CNTN1: variants seen among roughly 807,000 people sequenced by gnomAD.
CNTN1 encodes the protein contactin 1, also known as contactin-1.
CNTN1 carries 38 observed loss-of-function variants against 126.4 expected under a neutral mutation model. That is an observed-to-expected ratio of 0.30 (90% confidence interval 0.23 to 0.39). The LOEUF (loss-of-function observed/expected upper bound fraction) is 0.39. Ranked by LOEUF, CNTN1 falls within the 10% of genes least tolerant of loss-of-function variation. The pLI, the probability that CNTN1 is intolerant of heterozygous loss-of-function variation, is 1.00. For synonymous variants in CNTN1, 413 were observed against 422.6 expected, an observed-to-expected ratio of 0.98 and a Z score of 0.28; for missense variants, 1,009 against 1,248.4, an observed-to-expected ratio of 0.81 and a Z score of 2.89.
rs188003433 is a variant in CNTN1, at chr12:40,901,900, T to C, written c.-76-6457T>C. ...GACTTCATAGAAAATGGTTAGACTT[T>C]TGTTTATAGAGTGTAAAGAAATCAG... On this transcript the variant is annotated intron_variant, in intron 1 of 23. Coordinates refer to ENST00000551295, the MANE Select transcript of CNTN1 (RefSeq NM_001843.4). Among the ~76,000 whole-genome samples the C allele has an allele frequency of 2.5e-4, 38 of 152,336 alleles. 1 individual carries two copies. Among genetic ancestry groups the C allele is most frequent in the Admixed American group, 2.5e-3 (38 of 15,300 alleles).
intron 3 of CNTN1, among the ~76,000 whole-genome samples, chr12:40,916,744 C>T (rs1945259243): frequency 6.6e-6 from 1 of 152,010 alleles, no homozygotes; most frequent in Non-Finnish European, 1.5e-5. Flanking sequence ...GTGGTAGGCA[C>T]ATGGAGTCCT....
intron 1 of CNTN1, among the ~76,000 whole-genome samples, chr12:40,869,239 G>A (rs1943406970): frequency 6.7e-6 from 1 of 149,286 alleles, no homozygotes; most frequent in Admixed American, 6.7e-5. Context: ...AAAAAAATAA[G>A]GATGACAGGA....
At chr12:40,695,648 C>T (rs1941432215) in intron 1 of CNTN1, among the ~76,000 whole-genome samples, 1 of 152,112 alleles carries the variant, frequency 6.6e-6, no homozygotes, top group Non-Finnish European at 1.5e-5. Context: ...TGTTTGTTTT[C>T]TTTTTATTGA....
chr12:40,920,026 A>C (rs1945380909), intron 4 of CNTN1, among the ~76,000 whole-genome samples: 1 of 152,142 alleles, frequency 6.6e-6, no homozygotes, highest in African/African-American at 2.4e-5. Flanking sequence ...TTGCTTGCTC[A>C]AGAACTAGTA....
chr12:40,987,578 T>C (rs1947987891), intron 16 of CNTN1, among the ~76,000 whole-genome samples: 1 of 152,188 alleles, frequency 6.6e-6, no homozygotes, highest in Non-Finnish European at 1.5e-5. Context: ...CTATGAGAAA[T>C]AGTTAAGAGA....
intron 1 of CNTN1, among the ~76,000 whole-genome samples, chr12:40,837,309 A>G (rs2136569952): frequency 6.6e-6 from 1 of 152,174 alleles, no homozygotes; most frequent in East Asian, 1.9e-4. Context: ...CACCAAAAGC[A>G]GGAAGGAGAA....
intron 18 of CNTN1, among the ~76,000 whole-genome samples, chr12:41,016,416 C>T (rs1948782115): frequency 6.6e-6 from 1 of 152,062 alleles, no homozygotes; most frequent in African/African-American, 2.4e-5. Context: ...TCTAGGAGAA[C>T]ATTCTAGGCA....
intron 1 of CNTN1, among the ~76,000 whole-genome samples, chr12:40,888,269 G>A (rs932602955): frequency 2.6e-5 from 4 of 151,608 alleles, no homozygotes; most frequent in South Asian, 2.1e-4. Flanking sequence ...TCACTGTTAC[G>A]GACTTTTTAA....
chr12:40,945,286 A>G (rs559310949), intron 14 of CNTN1, among the ~76,000 whole-genome samples: 52 of 152,200 alleles, frequency 3.4e-4, no homozygotes, highest in East Asian at 1.9e-4. Flanking sequence ...CATGCCCAAA[A>G]TTAGTCAAAT....
Position 40,968,501 on chromosome 12 carries a change from T to C in CNTN1, c.1804+9267T>C, listed in dbSNP as rs548782686. 2.9e-4 allele frequency among the ~76,000 whole-genome samples: 44 copies of C among 152,282 alleles called. No individual in the cohort carries two copies. The South Asian group carries it at 6.2e-3, about 22-fold the overall frequency. On this transcript the variant is annotated intron_variant, in intron 15 of 23. Coordinates refer to ENST00000551295, the MANE Select transcript of CNTN1 (RefSeq NM_001843.4). ...GAAAGCTTGATTTTATAATGTGCTCTTTGGCCTAAAAATAGGTAAATGAAA... is the reference window on the plus strand; with the variant it reads ...GAAAGCTTGATTTTATAATGTGCTCCTTGGCCTAAAAATAGGTAAATGAAA...
At chr12:40,824,150 G>A (rs1941536585) in intron 1 of CNTN1, among the ~76,000 whole-genome samples, 1 of 151,934 alleles carries the variant, frequency 6.6e-6, no homozygotes, top group South Asian at 2.1e-4. Flanking sequence ...CGTTGAAATT[G>A]TCCTATATAA....
intron 1 of CNTN1, among the ~76,000 whole-genome samples, chr12:40,872,631 C>T (rs1374195286): frequency 4.7e-5 from 6 of 126,370 alleles, no homozygotes; most frequent in African/African-American, 1.6e-4. Context: ...AGTGTAGTGG[C>T]GCTATCTTGG....
Position 40,993,187 on chromosome 12 carries a change from T to C in CNTN1, c.2031T>C (p.Tyr677=). Residue 677 remains tyrosine, a synonymous_variant, in exon 17 of 24, where the codon TAT becomes TAC. Transcript: ENST00000551295. The part of the protein sequence containing the change: ...RAVDLIPWME[Y]EFRVVATNTL... ...TGGACTTAATCCCATGGATGGAGTA[T>C]GAATTCCGCGTGGTAGCAACCAATA... 6.2e-7 allele frequency: 1 copy of C among 1,613,756 alleles called. No homozygotes were observed. The highest frequency in any genetic ancestry group is 1.6e-4 in the Middle Eastern group (1 of 6,062).
intron 1 of CNTN1, among the ~76,000 whole-genome samples, chr12:40,775,886 T>G (rs976594300): frequency 6.6e-6 from 1 of 151,540 alleles, no homozygotes; most frequent in African/African-American, 2.4e-5. Flanking sequence ...TCAATGTGAG[T>G]CAAAAACGTA....
chr12:40,928,082 T>C (rs1257042769), intron 6 of CNTN1, among the ~76,000 whole-genome samples: 2 of 152,074 alleles, frequency 1.3e-5, no homozygotes, highest in Non-Finnish European at 2.9e-5. Flanking sequence ...GTGGGCAGTA[T>C]CTTTCATACA....
At chr12:41,049,878 G>T (rs1424349898) in intron 23 of CNTN1, among the ~76,000 whole-genome samples, 1 of 152,108 alleles carries the variant, frequency 6.6e-6, no homozygotes, top group African/African-American at 2.4e-5. Context: ...TGCAAAATTT[G>T]ATTTAACTAA....
At chr12:40,982,300 T>G (rs1947840713) in intron 16 of CNTN1, among the ~76,000 whole-genome samples, 1 of 152,174 alleles carries the variant, frequency 6.6e-6, no homozygotes, top group South Asian at 2.1e-4. Context: ...TTTAAAAACC[T>G]TTTAGATACT....
At chr12:41,005,148 T>C (rs2120639992) in intron 17 of CNTN1, 1 of 152,332 alleles carries the variant, frequency 6.6e-6, no homozygotes, top group African/African-American at 2.4e-5. Flanking sequence ...CCTTCAGTGT[T>C]TGCTTATCTG....
intron 1 of CNTN1, among the ~76,000 whole-genome samples, chr12:40,789,253 A>G (rs1190591864): frequency 6.6e-6 from 1 of 152,162 alleles, no homozygotes; most frequent in Non-Finnish European, 1.5e-5. Context: ...AACTATTTGC[A>G]TTTTGATAAC....
Sources: gnomAD v4.1 joint callset for allele counts (sites outside exome capture counted in the v4.1 genomes callset) on GRCh38, gnomAD v4.1.1 for gene constraint, MANE v1.5 for transcripts, NCBI Gene and HGNC (gene_info 2026-07-23, HGNC 2026-07-21) for gene names.